SEMA3D: variants seen among roughly 807,000 people sequenced by gnomAD.
The protein encoded by SEMA3D is semaphorin-3D.
Under a neutral mutation model 100.1 loss-of-function variants are expected in SEMA3D, and 84 were observed. The ratio of observed to expected loss-of-function variants is 0.84; its 90% CI spans 0.70 to 1.01. The LOEUF is 1.01. SEMA3D is among the 50% of genes least tolerant of loss of function. SEMA3D has a pLI of 0.00. For synonymous variants in SEMA3D, 312 were observed against 320.7 expected (o/e 0.97, Z 0.29); for missense variants, 875 against 934.1 (o/e 0.94, Z 0.82).
chr7:85,136,085 G>GA (rs1386416599), intron 2 of SEMA3D, among the ~76,000 whole-genome samples: 1 of 152,054 alleles, frequency 6.6e-6, no homozygotes, highest in African/African-American at 2.4e-5. Flanking sequence ...CTACTCAGAG[G>GA]AAAAATGTAG....
At chr7:85,055,216 TAAAAATGTAGAATATAC>T (rs1791274946) in intron 9 of SEMA3D, among the ~76,000 whole-genome samples, 1 of 152,126 alleles carries the variant, frequency 6.6e-6, no homozygotes. Context: ...TGCGTGATGA[TAAAAATGTAGAATATAC>T]ATCTGATGAT....
intron 18 of SEMA3D, among the ~76,000 whole-genome samples, chr7:85,000,853 T>G (rs1167328958): frequency 6.6e-6 from 1 of 152,166 alleles, no homozygotes; most frequent in Non-Finnish European, 1.5e-5. Flanking sequence ...ATGTGGAGTA[T>G]TGTTGAGTGG....
intron 2 of SEMA3D, among the ~76,000 whole-genome samples, chr7:85,147,317 G>T (rs996167946): frequency 6.6e-6 from 1 of 151,698 alleles, no homozygotes; most frequent in Non-Finnish European, 1.5e-5. Context: ...GGCCAGGCAG[G>T]TCTCAAATGC....
the SEMA3D span, among the ~76,000 whole-genome samples, chr7:85,230,933 C>T: frequency 2.0e-5 from 3 of 152,176 alleles, no homozygotes; most frequent in Non-Finnish European, 4.4e-5. Context: ...TCAACAAGAA[C>T]ACCAACTTCC....
At chr7:85,128,768 T>C (rs988129395) in intron 2 of SEMA3D, among the ~76,000 whole-genome samples, 1 of 151,722 alleles carries the variant, frequency 6.6e-6, no homozygotes, top group African/African-American at 2.4e-5. Context: ...GAATATTCTA[T>C]TTTATAACCA....
At chr7:85,061,691 A>G (rs981919045) in intron 8 of SEMA3D, among the ~76,000 whole-genome samples, 5 of 152,186 alleles carry the variant, frequency 3.3e-5, no homozygotes, top group Non-Finnish European at 7.3e-5. Context: ...GTCTTAGTCC[A>G]TCAGATCCCT....
chr7:85,085,344 G>T (rs187853172), intron 4 of SEMA3D, among the ~76,000 whole-genome samples: 2 of 152,074 alleles, frequency 1.3e-5, no homozygotes, highest in East Asian at 3.9e-4. Flanking sequence ...CATAGTATTG[G>T]GTGATTGAGT....
At chr7:85,185,040 C>G (rs922828239) in intron 1 of SEMA3D, among the ~76,000 whole-genome samples, 4 of 152,088 alleles carry the variant, frequency 2.6e-5, no homozygotes, top group African/African-American at 9.7e-5. Flanking sequence ...TGCTCATCCT[C>G]CTTGCTATCT....
At chr7:85,050,890 C>A in intron 9 of SEMA3D, 1 of 390,744 alleles carries the variant, frequency 2.6e-6, no homozygotes, top group South Asian at 8.1e-5. Context: ...CCAACTTCTT[C>A]CATTCCTAAG....
At chr7:85,140,593 ATATCTC>A in intron 2 of SEMA3D, 1 of 924,134 alleles carries the variant, frequency 1.1e-6, no homozygotes, top group Non-Finnish European at 1.3e-6. Context: ...CTATATCTAT[ATATCTC>A]TATATATAAT....
At chr7:85,223,365 C>G in the SEMA3D span, among the ~76,000 whole-genome samples, 1 of 152,040 alleles carries the variant, frequency 6.6e-6, no homozygotes, top group South Asian at 2.1e-4. Flanking sequence ...CAATCCAGCA[C>G]TCCCACTACT....
chr7:85,230,845 G>A, the SEMA3D span, among the ~76,000 whole-genome samples: 2 of 150,496 alleles, frequency 1.3e-5, no homozygotes, highest in Admixed American at 6.6e-5. Context: ...GAACATAATG[G>A]AGTAATTTCT....
At chr7:85,062,127 C>G (rs16887818) in intron 8 of SEMA3D, among the ~76,000 whole-genome samples, 26,646 of 152,134 alleles carry the variant, frequency 0.18, 2,765 homozygotes, top group African/African-American at 0.29. Context: ...TACACATATT[C>G]GAGCTTCAAT....
At chr7:85,220,923 C>T in the SEMA3D span, among the ~76,000 whole-genome samples, 3 of 152,044 alleles carry the variant, frequency 2.0e-5, no homozygotes, top group Non-Finnish European at 4.4e-5. Context: ...ACAAAGAGTT[C>T]AACACAAAAG....
At chr7:85,118,594 G>C (rs540320714) in intron 3 of SEMA3D, among the ~76,000 whole-genome samples, 1 of 152,132 alleles carries the variant, frequency 6.6e-6, no homozygotes, top group Non-Finnish European at 1.5e-5. Context: ...CCTTACAGTA[G>C]GAATAGAACA....
At chr7:85,159,973 C>A (rs180972390) in intron 1 of SEMA3D, 1 of 984,340 alleles carries the variant, frequency 1.0e-6, no homozygotes, top group African/African-American at 1.7e-5. Context: ...ACGGTAACTA[C>A]TCCAGAGGTA....
At chr7:85,023,807 T>G (rs538892244) in intron 12 of SEMA3D, among the ~76,000 whole-genome samples, 61 of 152,092 alleles carry the variant, frequency 4.0e-4, no homozygotes, top group African/African-American at 1.4e-3. Flanking sequence ...AATGGCTTAT[T>G]ATGAATTAGA....
At chr7:85,014,819 T>C (rs1790052225) in intron 16 of SEMA3D, among the ~76,000 whole-genome samples, 1 of 151,764 alleles carries the variant, frequency 6.6e-6, no homozygotes, top group African/African-American at 2.4e-5. Flanking sequence ...AAAGAATATA[T>C]AGAATTTATT....
intron 1 of SEMA3D, among the ~76,000 whole-genome samples, chr7:85,157,158 T>C (rs927072349): frequency 2.0e-5 from 3 of 152,208 alleles, no homozygotes; most frequent in African/African-American, 7.2e-5. Flanking sequence ...TTTATTCTAT[T>C]TCTTGTTTTT....
Sources: gnomAD v4.1 joint callset for allele counts (sites outside exome capture counted in the v4.1 genomes callset) on GRCh38, gnomAD v4.1.1 for gene constraint, MANE v1.5 for transcripts, NCBI Gene and HGNC (gene_info 2026-07-23, HGNC 2026-07-21) for gene names.